The following PPFIA4 variants were observed in gnomAD, a reference collection of about 807,000 sequenced individuals.
PPFIA4 encodes liprin-alpha-4.
In PPFIA4, 98 loss-of-function variants were observed where a neutral mutation model predicts 145.7. The observed-to-expected ratio is 0.67, with a 90% CI of 0.57 to 0.80. The LOEUF is 0.80. PPFIA4 is among the 30% of genes least tolerant of loss of function. The pLI, the probability that PPFIA4 is intolerant of heterozygous loss-of-function variation, is 0.00. For synonymous variants in PPFIA4, 628 were observed against 649.6 expected, an observed-to-expected ratio of 0.97 and a Z score of 0.51; for missense variants, 1,457 against 1,632.7, an observed-to-expected ratio of 0.89 and a Z score of 1.85.
chr1:203,073,495 G>A (rs1443862570), intron 28 of PPFIA4, among the ~76,000 whole-genome samples: 2 of 152,194 alleles, frequency 1.3e-5, no homozygotes, highest in African/African-American at 2.4e-5. Flanking sequence ...CTGAGAATAA[G>A]GCAAGATTTA....
intron 4 of PPFIA4, 55 bp downstream of exon 4, chr1:203,044,150 A>T: frequency 6.7e-7 from 1 of 1,498,358 alleles, no homozygotes; most frequent in Non-Finnish European, 8.9e-7. Flanking sequence ...GGAGCCTCCC[A>T]TGTATCCCTT....
chr1:203,046,191 G>C (rs980301349), intron 8 of PPFIA4, 57 bp from the exon 9 acceptor site: 1 of 1,549,122 alleles, frequency 6.5e-7, no homozygotes, highest in Non-Finnish European at 8.7e-7. Flanking sequence ...AGGCTGGGGT[G>C]GGGGTGGGGG....
chr1:203,068,531 A>T lies in PPFIA4; in HGVS notation c.3227A>T (p.His1076Leu), dbSNP rs755803332. 6.2e-7 allele frequency: 1 copy of T among 1,609,066 alleles called. No individual in the cohort carries two copies. Among genetic ancestry groups the T allele is most frequent in the Non-Finnish European group, 8.5e-7 (1 of 1,177,830 alleles). Residue 1076 changes from histidine to leucine, a missense_variant, in exon 27 of 30, where the codon CAT becomes CTT. Around this residue, in one of 3 missense-constraint regions of PPFIA4, gnomAD observed 848 missense variants for 1,046.7 expected, o/e 0.81. Coordinates refer to ENST00000295706, the MANE Select transcript of PPFIA4 (RefSeq NM_001304331.2). This position sits in a 1 kb window ranked among gnomAD's most constrained non-coding sequence, Gnocchi z 4.7. Reference protein sequence around the residue: ...IGLRDYAGNLHESGVHGALLA... With the variant: ...IGLRDYAGNLLESGVHGALLA... Reference sequence around the variant, plus strand: ...CTCCGGGACTACGCAGGAAACCTGCATGAGAGTGGTGTGCATGGAGCCTTG... The same window carrying T: ...CTCCGGGACTACGCAGGAAACCTGCTTGAGAGTGGTGTGCATGGAGCCTTG...
At chr1:203,065,733 G>C (rs1661692617) in intron 25 of PPFIA4, among the ~76,000 whole-genome samples, 1 of 152,170 alleles carries the variant, frequency 6.6e-6, no homozygotes, top group Non-Finnish European at 1.5e-5. Flanking sequence ...ACAAGAAAGG[G>C]ATATTTTAAA....
intron 7 of PPFIA4, 103 bp from the exon 8 acceptor site, chr1:203,045,738 C>G: frequency 6.5e-7 from 1 of 1,546,188 alleles, no homozygotes; most frequent in South Asian, 1.2e-5. Flanking sequence ...GTAGCTCATG[C>G]CCCTTAATGG....
At chr1:203,030,761 G>A (rs925714025) in intron 1 of PPFIA4, among the ~76,000 whole-genome samples, 2 of 152,076 alleles carry the variant, frequency 1.3e-5, no homozygotes, top group Admixed American at 6.5e-5. Flanking sequence ...GATCACACAC[G>A]CATACTTGCA....
chr1:203,056,440 T>C lies in PPFIA4; in HGVS notation c.2172T>C (p.Pro724=). ...KATIKCETSP[P]SSPRTLRLEK... ...CCATAAAATGTGAGACTTCTCCTCC[T>C]TCCTCACCCAGGACGCTGCGGCTAG... is the stretch of plus-strand genomic sequence containing the variant. The change falls in exon 18 of 30, where the codon CCT becomes CCC. Residue 724 remains proline (P), a synonymous_variant. Coordinates refer to ENST00000295706, the MANE Select transcript of PPFIA4 (RefSeq NM_001304331.2). 1 of 1,614,014 alleles carries C rather than the reference T, an allele frequency of 6.2e-7. No individual in the cohort carries two copies. Among genetic ancestry groups the C allele is most frequent in the Non-Finnish European group, 8.5e-7 (1 of 1,179,886 alleles).
intron 1 of PPFIA4, among the ~76,000 whole-genome samples, chr1:203,030,921 C>G (rs1248394442): frequency 1.4e-5 from 2 of 146,330 alleles, no homozygotes; most frequent in Non-Finnish European, 3.0e-5. Flanking sequence ...AGTCAAGATC[C>G]CTGATGTACT....
At chr1:203,073,356 A>C (rs1571746508) in intron 28 of PPFIA4, among the ~76,000 whole-genome samples, 1 of 152,172 alleles carries the variant, frequency 6.6e-6, no homozygotes, top group South Asian at 2.1e-4. Flanking sequence ...CAGCCTCCAG[A>C]CATTGGGGTG....
rs750543162 is a variant in PPFIA4 at position 203,045,572 on chromosome 1, G to A, written c.858+13G>A. The stretch of plus-strand genomic sequence containing the variant: ...GGACCTCCGGGAGGTGCGTGAGGGC[G>A]CAGGCCTGCTCTGTGACCTCATTGT... On this transcript the variant is annotated intron_variant, in intron 7 of 29. Transcript: ENST00000295706. 3.1e-5 allele frequency: 49 copies of A among 1,562,968 alleles called. No individual in the cohort carries two copies. The highest frequency in any genetic ancestry group is 1.8e-4 in the Middle Eastern group (1 of 5,616).
rs986694361 is a variant in PPFIA4, at chr1:203,051,335, C to T, written c.1512-434C>T. The T allele has an allele frequency of 5.7e-5, 56 of 989,368 alleles. 1 individual carries two copies. Among genetic ancestry groups the T allele is most frequent in the Non-Finnish European group, 6.7e-5 (56 of 832,238 alleles). 61.3% of individuals were successfully genotyped at this position (989,368 alleles called of 1,614,324 possible). ...TGGGTAGAAGACCAAAAAACAAAGA[C>T]CCTCAGAGTGAAAAGGGCCTCTAGA... On this transcript the variant is annotated intron_variant, in intron 13 of 29. Transcript: ENST00000295706.
intron 1 of PPFIA4, among the ~76,000 whole-genome samples, chr1:203,037,973 G>C (rs1466583404): frequency 2.0e-5 from 3 of 152,146 alleles, no homozygotes. Flanking sequence ...AATGACTTGA[G>C]CCAGAGCCTC....
At position 203,045,501 on chromosome 1, in the gene PPFIA4, G is replaced by A. The variant is rs746169037; in HGVS notation, c.800G>A (p.Arg267His). 2.2e-5 allele frequency: 36 copies of A among 1,608,024 alleles called. No homozygotes were observed. Among genetic ancestry groups the A allele is most frequent in the East Asian group, 1.1e-4 (5 of 44,670 alleles). Reference sequence around the variant, plus strand: ...CTCGAGGAGGACCTGGGCACGGCCCGCCGGGACCTCATCAAGTCGGAGGAG... The same window carrying A: ...CTCGAGGAGGACCTGGGCACGGCCCACCGGGACCTCATCAAGTCGGAGGAG... ...TELEEDLGTA[R>H]RDLIKSEELS... Residue 267 changes from arginine to histidine, a missense_variant, in exon 7 of 30, where the codon CGC becomes CAC. Physicochemically the swap from Arg to His is conservative, Grantham distance 29 (BLOSUM62 0). This residue lies in a region of PPFIA4 where 463 missense variants were observed against 459.8 expected (regional missense o/e 1.01). Transcript: ENST00000295706.
At chr1:203,061,451 A>T in intron 23 of PPFIA4, 1 of 550,086 alleles carries the variant, frequency 1.8e-6, no homozygotes, top group South Asian at 2.6e-5. Flanking sequence ...TTTGCCACAC[A>T]CACATTTGCC....
chr1:203,076,541 C>G lies in PPFIA4; in HGVS notation c.*151C>G, dbSNP rs987249947. On this transcript the variant is annotated 3_prime_UTR_variant, in exon 30 of 30. Transcript: ENST00000295706. Reference sequence around the variant, plus strand: ...ATCTCAGAATATATTCGTCCACCCCCTCGGCACCCCATTACCCCGAGTCCC... The same window carrying G: ...ATCTCAGAATATATTCGTCCACCCCGTCGGCACCCCATTACCCCGAGTCCC... The G allele has an allele frequency of 1.6e-5, 12 of 734,994 alleles. No individual in the cohort carries two copies. The highest frequency in any genetic ancestry group is 2.8e-5 in the Non-Finnish European group (12 of 434,994). 45.5% of individuals were successfully genotyped at this position (734,994 alleles called of 1,614,324 possible).
At chr1:203,052,060 T>G in intron 14 of PPFIA4, among the ~76,000 whole-genome samples, 183 bp downstream of exon 14, 1 of 99,614 alleles carries the variant, frequency 1.0e-5, no homozygotes, top group Non-Finnish European at 2.2e-5. Context: ...CCCCCCCGCT[T>G]GCCTTGGCCT....
At chr1:203,031,577 C>G (rs1658832443) in intron 1 of PPFIA4, among the ~76,000 whole-genome samples, 1 of 152,190 alleles carries the variant, frequency 6.6e-6, no homozygotes, top group African/African-American at 2.4e-5. Flanking sequence ...CACCTGGTGC[C>G]TATTAGCACT....
intron 17 of PPFIA4, 24 bp downstream of exon 17, chr1:203,056,179 G>A (rs541446027): frequency 3.1e-6 from 5 of 1,613,820 alleles, no homozygotes; most frequent in Admixed American, 1.7e-5. Flanking sequence ...GATGGCCCAG[G>A]TACTAACGGG....
chr1:203,056,316 T>C, intron 17 of PPFIA4, 59 bp from the exon 18 acceptor site: 1 of 1,602,728 alleles, frequency 6.2e-7, no homozygotes, highest in Non-Finnish European at 8.5e-7. Context: ...TCTTCTGGGC[T>C]GGGTAGGCAG....
Sources: gnomAD v4.1 joint callset for allele counts (sites outside exome capture counted in the v4.1 genomes callset) on GRCh38, gnomAD v4.1.1 for gene constraint, gnomAD v4.1.1 regional missense constraint, Gnocchi (gnomAD v3.1) non-coding constraint, MANE v1.5 for transcripts, NCBI Gene and HGNC (gene_info 2026-07-23, HGNC 2026-07-21) for gene names.